DEFB110: variants seen among roughly 807,000 people sequenced by gnomAD.
The protein encoded by DEFB110 is defensin beta 110.
Under a neutral mutation model 2.5 loss-of-function variants are expected in DEFB110, and 4 were observed. The observed-to-expected ratio is 1.60, with a 90% CI of 0.79 to 3.66. The LOEUF is 3.66. DEFB110 is among the 30% of genes most tolerant of loss of function. DEFB110 has a pLI of 0.01. For synonymous variants in DEFB110, 29 were observed against 21.8 expected (o/e 1.33, Z -0.92); for missense variants, 94 against 75.4 (o/e 1.25, Z -0.91).
rs565507843 is a variant in DEFB110, at chr6:50,021,442, T to C, written c.55+439A>G. The stretch of plus-strand genomic sequence containing the variant: ...ATTATTATTTCTGCCTTCAAATACA[T>C]TGTTCAAGTCCAATCTGTCTGAAGT... On this transcript the variant is annotated intron_variant, in intron 1 of 1. Coordinates refer to ENST00000371148, the MANE Select transcript of DEFB110 (RefSeq NM_001037497.2). Among the ~76,000 whole-genome samples the C allele has an allele frequency of 2.0e-5, 3 of 152,304 alleles. No individual in the cohort carries two copies. In the East Asian group the frequency reaches 5.8e-4, roughly 29 times the overall value.
chr6:50,021,028 T>A (rs950362642), intron 1 of DEFB110, among the ~76,000 whole-genome samples: 3 of 152,136 alleles, frequency 2.0e-5, no homozygotes, highest in African/African-American at 7.2e-5. Context: ...TAAAACATTA[T>A]TGTCTTCTTT....
chr6:50,015,306 C>T (rs1208523980), downstream of DEFB110, among the ~76,000 whole-genome samples: 1 of 151,786 alleles, frequency 6.6e-6, no homozygotes, highest in Non-Finnish European at 1.5e-5. Flanking sequence ...GAGACCTTTA[C>T]AATATTCAAA....
chr6:50,016,599 TG>T (rs756888836), downstream of DEFB110, among the ~76,000 whole-genome samples: 3 of 151,790 alleles, frequency 2.0e-5, no homozygotes, highest in Non-Finnish European at 2.9e-5. Flanking sequence ...ATGTAAATTC[TG>T]GGGGCAGAGT....
Position 50,018,855 on chromosome 6 carries a change from CATTAATTTTTATTTAGTTCTTGTGTATT to C in DEFB110, c.*94_*121del. 7.0e-7 allele frequency: 1 copy of C among 1,434,804 alleles called. No individual in the cohort carries two copies. The allele number at this position is 1,434,804 out of a possible 1,614,324, so 88.9% of individuals were successfully genotyped here. On this transcript the variant is annotated 3_prime_UTR_variant, in exon 2 of 2. Coordinates refer to ENST00000371148, the MANE Select transcript of DEFB110 (RefSeq NM_001037497.2). ...ATATGATCACTTCTGAATGGTTCAA[CATTAATTTTTATTTAGTTCTTGTGTATT>C]ATAGAGACACACACGCCTTGAAGGA...
At chr6:50,009,456 T>C (rs1774190347) in intron 1 of DEFB110, among the ~76,000 whole-genome samples, 2 of 152,176 alleles carry the variant, frequency 1.3e-5, no homozygotes. Flanking sequence ...GCTACTAACA[T>C]TATACTTGTA....
chr6:50,014,123 A>G (rs1197098722), downstream of DEFB110, among the ~76,000 whole-genome samples: 1 of 151,908 alleles, frequency 6.6e-6, no homozygotes, highest in Non-Finnish European at 1.5e-5. Context: ...CATTTAGAAG[A>G]CTATCAAAAT....
chr6:50,020,458 A>T (rs887931569), intron 1 of DEFB110, among the ~76,000 whole-genome samples: 1 of 151,738 alleles, frequency 6.6e-6, no homozygotes, highest in Non-Finnish European at 1.5e-5. Flanking sequence ...TTTTGTATAC[A>T]CATCAAATTC....
chr6:50,017,399 C>T (rs1774336388), downstream of DEFB110, among the ~76,000 whole-genome samples: 1 of 151,810 alleles, frequency 6.6e-6, no homozygotes, highest in Non-Finnish European at 1.5e-5. Context: ...ATCAGTAGTT[C>T]TCAGCCAAGT....
chr6:50,009,219 T>G (rs750023144), exon 2 of DEFB110: 1 of 1,608,348 alleles, frequency 6.2e-7, no homozygotes, highest in South Asian at 1.1e-5. Flanking sequence ...TACATATTCC[T>G]CTCACTTTTT....
rs1774425052 is a variant in DEFB110, at chr6:50,021,952, A to T, written c.-17T>A. ...AATCTTCATGGTAGAGAGTTTCTTA[A>T]AAAAAGGGGGCAACAGACCTCCTTT... is the stretch of plus-strand genomic sequence containing the variant. On this transcript the variant is annotated 5_prime_UTR_variant, in exon 1 of 2. Coordinates refer to ENST00000371148, the MANE Select transcript of DEFB110 (RefSeq NM_001037497.2). 1 of 1,536,812 alleles carries T rather than the reference A, an allele frequency of 6.5e-7. No individual in the cohort carries two copies. The highest frequency in any genetic ancestry group is 8.7e-7 in the Non-Finnish European group (1 of 1,151,850).
intron 1 of DEFB110, among the ~76,000 whole-genome samples, chr6:50,011,656 C>A (rs927699397): frequency 1.3e-5 from 2 of 151,982 alleles, no homozygotes; most frequent in African/African-American, 4.8e-5. Context: ...TTCACTCTCC[C>A]AAGGGAAGTG....
Position 50,019,008 on chromosome 6 carries a change from C to A in DEFB110, c.173G>T (p.Arg58Ile). ...ENEIRIAYCIRPGTHCCLQQ is the reference protein window; with the variant it reads ...ENEIRIAYCIIPGTHCCLQQ ...CTGCAAGCAGCAATGAGTTCCAGGT[C>A]TTATGCAGTAAGCAATCCTAATTTC... The change falls in exon 2 of 2, where the codon AGA becomes ATA. Residue 58 changes from arginine (R) to isoleucine (I), a missense_variant. Transcript: ENST00000371148. 1 of 1,612,826 alleles carries A rather than the reference C, an allele frequency of 6.2e-7. No homozygotes were observed. The highest frequency in any genetic ancestry group is 8.5e-7 in the Non-Finnish European group (1 of 1,179,280).
intron 1 of DEFB110, among the ~76,000 whole-genome samples, chr6:50,011,338 T>G (rs1774224918): frequency 6.6e-6 from 1 of 152,020 alleles, no homozygotes; most frequent in Non-Finnish European, 1.5e-5. Flanking sequence ...GCATAGTATC[T>G]CTTTCACTCA....
At position 50,021,944 on chromosome 6, in the gene DEFB110, G is replaced by T; in HGVS notation, c.-9C>A. 1 of 1,535,798 alleles carries T rather than the reference G, an allele frequency of 6.5e-7. No homozygotes were observed. Among genetic ancestry groups the T allele is most frequent in the South Asian group, 1.3e-5 (1 of 77,370 alleles). ...AAAAGTTGAATCTTCATGGTAGAGA[G>T]TTTCTTAAAAAAAGGGGGCAACAGA... is the stretch of plus-strand genomic sequence containing the variant. On this transcript the variant is annotated 5_prime_UTR_variant, in exon 1 of 2. Coordinates refer to ENST00000371148, the MANE Select transcript of DEFB110 (RefSeq NM_001037497.2).
intron 1 of DEFB110, among the ~76,000 whole-genome samples, chr6:50,012,048 A>G (rs2113937529): frequency 6.6e-6 from 1 of 152,208 alleles, no homozygotes; most frequent in Non-Finnish European, 1.5e-5. Context: ...ATGAGATAAA[A>G]TATGCAGGTT....
At chr6:50,019,643 T>A (rs942542131) in intron 1 of DEFB110, among the ~76,000 whole-genome samples, 1 of 152,010 alleles carries the variant, frequency 6.6e-6, no homozygotes, top group South Asian at 2.1e-4. Context: ...AAAGAAATCA[T>A]CTAACTCAGA....
chr6:50,019,367 AT>A (rs1259216476), intron 1 of DEFB110, among the ~76,000 whole-genome samples: 1 of 152,102 alleles, frequency 6.6e-6, no homozygotes, highest in Admixed American at 6.6e-5. Context: ...TGACCCAAGG[AT>A]GGTTCCCTAA....
In DEFB110 at chr6:50,019,919, G is replaced by A. The variant is rs533803656; in HGVS notation, c.56-794C>T. ...TAGTGGCACGCAGACACACCCATTT[G>A]CTAACACATTGTCTATAACTGCTTT... On this transcript the variant is annotated intron_variant, in intron 1 of 1. Transcript: ENST00000371148. 4.0e-4 allele frequency among the ~76,000 whole-genome samples: 61 copies of A among 152,120 alleles called. 1 individual carries two copies. The highest frequency in any genetic ancestry group is 5.7e-4 in the Non-Finnish European group (39 of 67,960).
chr6:50,010,089 A>T (rs950150338), intron 1 of DEFB110, among the ~76,000 whole-genome samples: 5 of 152,016 alleles, frequency 3.3e-5, no homozygotes, highest in Non-Finnish European at 5.9e-5. Flanking sequence ...CAATTTTATC[A>T]ATGTACTTAC....
Sources: gnomAD v4.1 joint callset for allele counts (sites outside exome capture counted in the v4.1 genomes callset) on GRCh38, gnomAD v4.1.1 for gene constraint, MANE v1.5 for transcripts, NCBI Gene and HGNC (gene_info 2026-07-23, HGNC 2026-07-21) for gene names.